Variants in RAPGEF4 observed in about 807,000 individuals in gnomAD.
The protein encoded by RAPGEF4 is RAP guanine-nucleotide-exchange factor (GEF) 4.
RAPGEF4 carries 66 observed loss-of-function variants against 147.9 expected under a neutral mutation model. The observed-to-expected ratio is 0.45, with a 90% CI of 0.37 to 0.55. RAPGEF4 has a LOEUF of 0.55. Among genes scored for constraint, RAPGEF4 ranks in the 20% least tolerant of loss-of-function variants. RAPGEF4 has a pLI of 0.00. For missense variants in RAPGEF4, 1,071 were observed against 1,257.3 expected (o/e 0.85, Z 2.24); for synonymous variants, 419 against 442.7 (o/e 0.95, Z 0.67).
chr2:172,956,261 T>C (rs1466546277), intron 6 of RAPGEF4, among the ~76,000 whole-genome samples: 1 of 152,082 alleles, frequency 6.6e-6, no homozygotes, highest in Non-Finnish European at 1.5e-5. Context: ...ATATTGGGAC[T>C]ACCTCTCACA....
chr2:172,941,687 C>A (rs1442707391), intron 6 of RAPGEF4, among the ~76,000 whole-genome samples: 2 of 152,128 alleles, frequency 1.3e-5, no homozygotes, highest in Non-Finnish European at 2.9e-5. Context: ...GGCAGTACAT[C>A]GTAGGAGTAA....
chr2:172,819,711 C>T (rs1420056834), intron 4 of RAPGEF4, among the ~76,000 whole-genome samples: 4 of 151,940 alleles, frequency 2.6e-5, no homozygotes, highest in African/African-American at 7.3e-5. Flanking sequence ...GTGATCCGCC[C>T]GCCTCGGCCT....
At position 173,027,240 on chromosome 2, in the gene RAPGEF4, T is replaced by A; in HGVS notation, c.2539T>A (p.Phe847Ile). 1 of 1,595,328 alleles carries A rather than the reference T, an allele frequency of 6.3e-7. No individual in the cohort carries two copies. Among genetic ancestry groups the A allele is most frequent in the South Asian group, 1.2e-5 (1 of 86,360 alleles). The change falls in exon 25 of 31, where the codon TTT becomes ATT. Residue 847 changes from phenylalanine (F) to isoleucine (I), a missense_variant. By Grantham distance (21) the Phe-to-Ile change is conservative. Transcript: ENST00000397081. ...CAAGCGTGTTCAGCTATTAAAAAAA[T>A]TTATTAAGATAGCAGCCCAGTAAGT... ...LSKRVQLLKK[F>I]IKIAAHCKEY...
intron 6 of RAPGEF4, among the ~76,000 whole-genome samples, chr2:172,947,376 A>G (rs547788646): frequency 4.6e-5 from 7 of 152,256 alleles, no homozygotes; most frequent in African/African-American, 1.7e-4. Context: ...TTTACGTAGT[A>G]GTAGATAGTT....
chr2:172,759,548 C>A (rs534171600), intron 1 of RAPGEF4, among the ~76,000 whole-genome samples: 1 of 152,082 alleles, frequency 6.6e-6, no homozygotes, highest in South Asian at 2.1e-4. Flanking sequence ...CTGAGGCATG[C>A]GAGCCGCTGT....
chr2:172,969,989 G>A (rs895288127), intron 10 of RAPGEF4, among the ~76,000 whole-genome samples: 1 of 152,076 alleles, frequency 6.6e-6, no homozygotes, highest in Non-Finnish European at 1.5e-5. Context: ...GATTTCAGGT[G>A]GCCTTGGGAT....
intron 1 of RAPGEF4, among the ~76,000 whole-genome samples, chr2:172,777,583 C>A (rs1015798676): frequency 1.3e-5 from 2 of 152,040 alleles, no homozygotes; most frequent in Admixed American, 6.6e-5. Context: ...TAAGAAGACC[C>A]CCCCCATGCT....
At chr2:172,940,500 C>G (rs1269358444) in intron 6 of RAPGEF4, among the ~76,000 whole-genome samples, 1 of 152,050 alleles carries the variant, frequency 6.6e-6, no homozygotes, top group Non-Finnish European at 1.5e-5. Context: ...GTCCCTTGTT[C>G]CTGCTTTTTC....
intron 6 of RAPGEF4, among the ~76,000 whole-genome samples, chr2:172,957,801 T>C (rs555058062): frequency 3.3e-5 from 5 of 152,368 alleles, no homozygotes; most frequent in Admixed American, 1.3e-4. Context: ...CTAGGATTAC[T>C]AGCTAAAAGA....
At chr2:172,808,561 T>A (rs912902004) in intron 3 of RAPGEF4, among the ~76,000 whole-genome samples, 8 of 152,256 alleles carry the variant, frequency 5.3e-5, no homozygotes, top group African/African-American at 1.9e-4. Context: ...GGATAACCCA[T>A]ACATGTTTGT....
rs900209195 is a variant in RAPGEF4 at position 173,018,791 on chromosome 2, G to A, written c.2144G>A (p.Ser715Asn). ...GAGGGCCTGATCATAGTCAAGATGA[G>A]TTCCGGAGGAGGTAACAGTCTTAAT... ...SGEGLIIVKM[S>N]SGGEKVVLKP... The change falls in exon 22 of 31, where the codon AGT (serine) becomes AAT (asparagine). Residue 715 changes from serine to asparagine, a missense_variant. Coordinates refer to ENST00000397081, the MANE Select transcript of RAPGEF4 (RefSeq NM_007023.4). 2 of 1,613,440 alleles carry A rather than the reference G, an allele frequency of 1.2e-6. No homozygotes were observed. The highest frequency in any genetic ancestry group is 2.2e-5 in the East Asian group (1 of 44,848).
intron 4 of RAPGEF4, among the ~76,000 whole-genome samples, chr2:172,907,964 G>A (rs1305504378): frequency 1.3e-5 from 2 of 152,164 alleles, no homozygotes; most frequent in Non-Finnish European, 2.9e-5. Flanking sequence ...AGAGACTGAG[G>A]TAAGTAACTG....
chr2:173,045,688 A>C (rs2106074417), intron 29 of RAPGEF4, among the ~76,000 whole-genome samples: 1 of 152,362 alleles, frequency 6.6e-6, no homozygotes, highest in African/African-American at 2.4e-5. Flanking sequence ...AAGGAGAAAG[A>C]CTTTAACTCA....
Position 172,988,283 on chromosome 2 carries a change from C to A in RAPGEF4, c.1227+11C>A, listed in dbSNP as rs139729500. The A allele has an allele frequency of 1.3e-5, 20 of 1,599,866 alleles. No homozygotes were observed. Among genetic ancestry groups the A allele is most frequent in the Admixed American group, 1.8e-5 (1 of 56,334 alleles). On this transcript the variant is annotated intron_variant, in intron 13 of 30. Coordinates refer to ENST00000397081, the MANE Select transcript of RAPGEF4 (RefSeq NM_007023.4). ...GTCATTTACGGCAAGGTATATATAT[C>A]TTTTTCTTTTTGAAACTTTATTACG...
At position 172,735,935 on chromosome 2, in the gene RAPGEF4, G is replaced by A. The variant is rs1287161005; in HGVS notation, c.-49G>A. On this transcript the variant is annotated 5_prime_UTR_variant, in exon 1 of 31. Transcript: ENST00000397081. ...GCGGGGGCGGAGGCGCAGGCAGAGCGAGCGCGGGAGGTCGCCGCAGCCAGG... is the reference window on the plus strand; with the variant it reads ...GCGGGGGCGGAGGCGCAGGCAGAGCAAGCGCGGGAGGTCGCCGCAGCCAGG... The A allele has an allele frequency of 4.3e-6, 6 of 1,407,992 alleles. No individual in the cohort carries two copies. Among genetic ancestry groups the A allele is most frequent in the Non-Finnish European group, 5.6e-6 (6 of 1,073,684 alleles). 87.2% of individuals were successfully genotyped at this position (1,407,992 alleles called of 1,614,324 possible). A position where few individuals can be genotyped will look rare whatever the true frequency, so the allele number is the denominator to read the frequency against.
intron 1 of RAPGEF4, among the ~76,000 whole-genome samples, chr2:172,790,820 T>C (rs184118020): frequency 3.3e-3 from 505 of 152,280 alleles, no homozygotes; most frequent in Non-Finnish European, 5.7e-3. Flanking sequence ...AGGGATGAAT[T>C]TGAGAGACAT....
At chr2:172,910,024 C>T (rs1202300622) in intron 4 of RAPGEF4, among the ~76,000 whole-genome samples, 1 of 152,176 alleles carries the variant, frequency 6.6e-6, no homozygotes, top group Non-Finnish European at 1.5e-5. Context: ...CTGCCAGGTG[C>T]CATGCGTGCT....
At chr2:173,025,164 A>T (rs1386621624) in intron 23 of RAPGEF4, among the ~76,000 whole-genome samples, 1 of 152,244 alleles carries the variant, frequency 6.6e-6, no homozygotes, top group Non-Finnish European at 1.5e-5. Flanking sequence ...GCAAATAAGG[A>T]CCAGCAGCAG....
chr2:172,948,593 A>T (rs72894131), intron 6 of RAPGEF4, among the ~76,000 whole-genome samples: 5,288 of 152,258 alleles, frequency 0.035, 157 homozygotes, highest in Middle Eastern at 0.075. Flanking sequence ...CTTGAAATTA[A>T]TGTGTTTTCC....
Sources: gnomAD v4.1 joint callset for allele counts (sites outside exome capture counted in the v4.1 genomes callset) on GRCh38, gnomAD v4.1.1 for gene constraint, MANE v1.5 for transcripts, NCBI Gene and HGNC (gene_info 2026-07-23, HGNC 2026-07-21) for gene names.